Variants in RPH3A observed in about 807,000 individuals in gnomAD.
RPH3A encodes the protein rabphilin 3A.
A neutral mutation model predicts 102.2 loss-of-function variants in RPH3A; 48 were observed. The observed-to-expected ratio is 0.47, with a 90% confidence interval of 0.37 to 0.60. The LOEUF is 0.60. RPH3A is among the 20% of genes least tolerant of loss of function. The pLI is 0.00. For missense variants in RPH3A, 781 were observed against 910.1 expected, an observed-to-expected ratio of 0.86 and a Z score of 1.83; for synonymous variants, 310 against 324.3, an observed-to-expected ratio of 0.96 and a Z score of 0.47.
upstream of RPH3A, among the ~76,000 whole-genome samples, chr12:112,790,892 T>C (rs1379007821): frequency 2.0e-5 from 3 of 152,204 alleles, no homozygotes; most frequent in African/African-American, 7.2e-5. Flanking sequence ...ACATTTGTGT[T>C]TTAGGACAGG....
intron 4 of RPH3A, among the ~76,000 whole-genome samples, chr12:112,844,150 C>T: frequency 6.6e-6 from 1 of 152,296 alleles, no homozygotes; most frequent in East Asian, 1.9e-4. Context: ...AATGCCCTGA[C>T]CCTGGGTGTG....
chr12:112,710,002 T>C (rs1045298653), intron 1 of RPH3A, among the ~76,000 whole-genome samples: 1 of 151,478 alleles, frequency 6.6e-6, no homozygotes, highest in African/African-American at 2.4e-5. Context: ...TGAGACGGAG[T>C]CTTACTCTGT....
intron 5 of RPH3A, among the ~76,000 whole-genome samples, chr12:112,850,046 C>T (rs2042297179): frequency 6.6e-6 from 1 of 152,112 alleles, no homozygotes; most frequent in South Asian, 2.1e-4. Flanking sequence ...CTGTATTCTC[C>T]CTACCAACCT....
Position 112,738,502 on chromosome 12 carries a change from T to TA in RPH3A, c.-139-53640dup, listed in dbSNP as rs568088652. Among the ~76,000 whole-genome samples the TA allele has an allele frequency of 4.5e-3, 683 of 152,322 alleles. 4 individuals carry two copies. The highest frequency in any genetic ancestry group is 6.9e-3 in the Admixed American group (105 of 15,298). ...TGGACATGCATTTTGCAGGGGGTAC[T>TA]ACTTAACCCACTAAGGGAGTAAGCA... On this transcript the variant is annotated intron_variant, in intron 1 of 21. Coordinates refer to the RPH3A transcript ENST00000543106.
At chr12:112,637,187 T>C (rs910951785) in intron 1 of RPH3A, among the ~76,000 whole-genome samples, 1 of 152,186 alleles carries the variant, frequency 6.6e-6, no homozygotes, top group Non-Finnish European at 1.5e-5. Context: ...ATATGTTTAC[T>C]GCTTATGTGA....
chr12:112,634,265 G>C lies in RPH3A; in HGVS notation c.-140+58946G>C. ...TGGGAGGCTGAGGCAGGAGAATGGCGTGAACCCGGGAGGCGGAGCTTGCAG... is the reference window on the plus strand; with the variant it reads ...TGGGAGGCTGAGGCAGGAGAATGGCCTGAACCCGGGAGGCGGAGCTTGCAG... On this transcript the variant is annotated intron_variant, in intron 1 of 21. Transcript: ENST00000543106. Among the ~76,000 whole-genome samples the C allele has an allele frequency of 1.1e-4, 3 of 27,802 alleles. 1 individual carries two copies. The South Asian group carries it at 2.1e-3, about 19-fold the overall frequency. The allele number at this position is 27,802 out of a possible 152,430, so 18.2% of individuals were successfully genotyped here. A position where few individuals can be genotyped will look rare whatever the true frequency, so the allele number is the denominator to read the frequency against.
chr12:112,586,169 G>A (rs756595449), intron 1 of RPH3A, among the ~76,000 whole-genome samples: 1 of 152,212 alleles, frequency 6.6e-6, no homozygotes, highest in African/African-American at 2.4e-5. Context: ...ATTCTACCCT[G>A]TGCTGTGCCC....
intron 1 of RPH3A, among the ~76,000 whole-genome samples, chr12:112,658,683 A>G (rs1190735754): frequency 1.3e-5 from 2 of 152,162 alleles, no homozygotes; most frequent in African/African-American, 4.8e-5. Flanking sequence ...AGCCAACAGG[A>G]TTGCTGATGG....
chr12:112,755,334 CACACAT>C (rs1215837268), intron 1 of RPH3A, among the ~76,000 whole-genome samples: 3 of 139,346 alleles, frequency 2.2e-5, no homozygotes, highest in South Asian at 2.5e-4. Context: ...CACACACACA[CACACAT>C]ACATATGCAT....
intron 1 of RPH3A, among the ~76,000 whole-genome samples, chr12:112,621,286 A>G (rs1423084232): frequency 1.3e-5 from 2 of 150,870 alleles, no homozygotes; most frequent in African/African-American, 4.9e-5. Context: ...CTGCATTTCC[A>G]TCTGAGGTAC....
chr12:112,865,337 T>A, intron 5 of RPH3A, 77 bp from the exon 6 acceptor site: 3 of 1,542,538 alleles, frequency 1.9e-6, no homozygotes, highest in African/African-American at 2.7e-5. Context: ...AGGTGAAGAC[T>A]ATCAACCTGA....
At chr12:112,643,603 A>T (rs1353688836) in intron 1 of RPH3A, among the ~76,000 whole-genome samples, 2 of 152,206 alleles carry the variant, frequency 1.3e-5, no homozygotes, top group Non-Finnish European at 2.9e-5. Context: ...AAATTCTATG[A>T]TTCTAGGCTG....
intron 1 of RPH3A, among the ~76,000 whole-genome samples, chr12:112,686,889 T>C (rs1412708082): frequency 6.6e-6 from 1 of 152,182 alleles, no homozygotes; most frequent in Non-Finnish European, 1.5e-5. Flanking sequence ...CCTAGTGCTT[T>C]GGGAGGCTGA....
At chr12:112,770,480 G>A (rs2040920282) in intron 1 of RPH3A, among the ~76,000 whole-genome samples, 1 of 152,018 alleles carries the variant, frequency 6.6e-6, no homozygotes, top group Non-Finnish European at 1.5e-5. Context: ...TGAGTAGCTG[G>A]GACTACAGGC....
intron 4 of RPH3A, among the ~76,000 whole-genome samples, chr12:112,846,342 C>A (rs948114468): frequency 1.3e-5 from 2 of 152,180 alleles, no homozygotes; most frequent in Non-Finnish European, 2.9e-5. Context: ...CCAGAGGCAT[C>A]CCATCCAAGG....
At chr12:112,855,107 G>A (rs2042389593) in intron 5 of RPH3A, among the ~76,000 whole-genome samples, 1 of 152,116 alleles carries the variant, frequency 6.6e-6, no homozygotes, top group Non-Finnish European at 1.5e-5. Flanking sequence ...CATAAGCACT[G>A]ACATGAAACA....
intron 1 of RPH3A, among the ~76,000 whole-genome samples, chr12:112,762,127 T>C (rs2040858268): frequency 6.6e-6 from 1 of 152,230 alleles, no homozygotes; most frequent in Admixed American, 6.5e-5. Flanking sequence ...AAGTATTCAC[T>C]ATATTACATT....
At chr12:112,685,087 C>A (rs542110039) in intron 1 of RPH3A, among the ~76,000 whole-genome samples, 1 of 152,262 alleles carries the variant, frequency 6.6e-6, no homozygotes, top group Admixed American at 6.5e-5. Context: ...CAGGTGCATG[C>A]CACCATGCCT....
At chr12:112,815,732 G>C (rs565338654) in intron 2 of RPH3A, among the ~76,000 whole-genome samples, 1 of 152,300 alleles carries the variant, frequency 6.6e-6, no homozygotes, top group African/African-American at 2.4e-5. Context: ...TAAGCTAAAT[G>C]ACTTGTTTTA....
Sources: allele counts gnomAD v4.1 joint callset (sites outside exome capture counted in the v4.1 genomes callset), GRCh38; gene constraint gnomAD v4.1.1; transcripts MANE v1.5; gene names NCBI Gene and HGNC (gene_info 2026-07-23, HGNC 2026-07-21).